Variants in ITGB2 observed in about 807,000 individuals in gnomAD.
ITGB2 encodes integrin subunit beta 2, also known as integrin beta-2.
In ITGB2, 56 loss-of-function variants were observed where a neutral mutation model predicts 86.8. The observed-to-expected ratio is 0.65, with a 90% CI of 0.52 to 0.81. The LOEUF (loss-of-function observed/expected upper bound fraction) is 0.81, where lower values mean the gene tolerates loss of function less well. ITGB2 is among the 30% of genes least tolerant of loss of function. The pLI is 0.00. For synonymous variants in ITGB2, 457 were observed against 450.4 expected (o/e 1.01, Z -0.19); for missense variants, 948 against 1,061.2 (o/e 0.89, Z 1.48).
At chr21:44,894,469 G>A (rs2083834616) in intron 9 of ITGB2, 1 of 213,764 alleles carries the variant, frequency 4.7e-6, no homozygotes, top group African/African-American at 2.3e-5. Context: ...GGGCTCCCCA[G>A]GGGAGCAGCC....
At chr21:44,919,506 T>C (rs1025111253) in intron 1 of ITGB2, among the ~76,000 whole-genome samples, 19 of 152,046 alleles carry the variant, frequency 1.2e-4, no homozygotes, top group African/African-American at 4.6e-4. Flanking sequence ...GAGCTGGGCT[T>C]CACTCATGGT....
intron 10 of ITGB2, among the ~76,000 whole-genome samples, 187 bp from the exon 11 acceptor site, chr21:44,892,183 C>T (rs1477495396): frequency 6.6e-6 from 1 of 152,214 alleles, no homozygotes; most frequent in Non-Finnish European, 1.5e-5. Context: ...AGGAGGTGCT[C>T]TGCCCGCACT....
At position 44,893,312 on chromosome 21, in the gene ITGB2, C is replaced by G. The variant is rs558695209; in HGVS notation, c.1224+92G>C. The G allele has an allele frequency of 4.0e-6, 6 of 1,506,314 alleles. No homozygotes were observed. The South Asian group carries it at 5.7e-5, about 14-fold the overall frequency. The allele number at this position is 1,506,314 out of a possible 1,614,324, so 93.3% of individuals were successfully genotyped here. A position where few individuals can be genotyped will look rare whatever the true frequency, so the allele number is the denominator to read the frequency against. On this transcript the variant is annotated intron_variant, in intron 10 of 15. Transcript: ENST00000652462. ...CTCCTTCTGGCTGTCCCCAGGACCC[C>G]TCAGTGTGCTGGGATGGGGACCCTG...
chr21:44,916,904 C>T (rs1002654366), intron 1 of ITGB2, among the ~76,000 whole-genome samples: 12 of 150,614 alleles, frequency 8.0e-5, no homozygotes, highest in African/African-American at 2.9e-4. Flanking sequence ...GGGAAAATAG[C>T]AAGAAGACAG....
intron 10 of ITGB2, among the ~76,000 whole-genome samples, 162 bp from the exon 11 acceptor site, chr21:44,892,158 CAA>C (rs1032518198): frequency 3.9e-5 from 6 of 152,216 alleles, no homozygotes; most frequent in African/African-American, 1.4e-4. Context: ...ATCCGAGAGC[CAA>C]AGTCAGCCGG....
At position 44,906,931 on chromosome 21, in the gene ITGB2, C is replaced by T. The variant is rs769522397; in HGVS notation, c.312G>A (p.Thr104=). 1.7e-5 allele frequency: 27 copies of T among 1,614,082 alleles called. No homozygotes were observed. The highest frequency in any genetic ancestry group is 1.6e-4 in the Middle Eastern group (1 of 6,082). The change falls in exon 4 of 16, where the codon ACG becomes ACA. Residue 104 remains threonine (T), a synonymous_variant. Transcript: ENST00000652462. The part of the protein sequence containing the change: ...GQKQLSPQKV[T]LYLRPGQAAA... The stretch of plus-strand genomic sequence containing the variant: ...CAAGCCTACCTGGTCGCAGGTAAAG[C>T]GTCACTTTTTGTGGGGACAGCTGCT...
At chr21:44,923,651 C>A (rs982816854), upstream of ITGB2, among the ~76,000 whole-genome samples, 16 of 152,054 alleles carry the variant, frequency 1.1e-4, no homozygotes, top group African/African-American at 3.6e-4. Context: ...GTTATTATTT[C>A]GCGGGTATAA....
chr21:44,890,248 C>T (rs2083767812), intron 11 of ITGB2, 26 bp from the exon 12 acceptor site: 3 of 1,612,288 alleles, frequency 1.9e-6, no homozygotes, highest in Non-Finnish European at 1.7e-6. Context: ...GCCCCAAGGT[C>T]AGGCTCCCCC....
chr21:44,903,271 G>A, intron 5 of ITGB2, 94 bp downstream of exon 5: 1 of 1,502,004 alleles, frequency 6.7e-7, no homozygotes, highest in South Asian at 1.1e-5. Flanking sequence ...ATCTACCCTG[G>A]GGACCTGAGT....
In ITGB2 at chr21:44,910,722, C is replaced by CACCGCACCCGAGGGAGAGCA; in HGVS notation, c.41_58+2dup. 4 of 1,613,954 alleles carry CACCGCACCCGAGGGAGAGCA rather than the reference C, an allele frequency of 2.5e-6. No homozygotes were observed. The East Asian group carries it at 8.9e-5, about 36-fold the overall frequency. On this transcript the variant is annotated splice_region_variant and intron_variant, in intron 2 of 15. Coordinates refer to ENST00000652462, the MANE Select transcript of ITGB2 (RefSeq NM_000211.5). ...AGTCCCCTCCGTGGAACACAGAACTCACCGCACCCGAGGGAGAGCAGCCCC... is the reference window on the plus strand; with the variant it reads ...AGTCCCCTCCGTGGAACACAGAACTCACCGCACCCGAGGGAGAGCAACCGCACCCGAGGGAGAGCAGCCCC...
At chr21:44,911,002 G>A in intron 1 of ITGB2, 1 of 589,448 alleles carries the variant, frequency 1.7e-6, no homozygotes, top group Non-Finnish European at 3.0e-6. Flanking sequence ...CAGCACACCT[G>A]CTCAGCCAGG....
chr21:44,919,020 G>GCTGAGCGTCCCCTCTCCCC (rs58007154), intron 1 of ITGB2, among the ~76,000 whole-genome samples: 4 of 149,722 alleles, frequency 2.7e-5, no homozygotes, highest in South Asian at 2.1e-4. Context: ...AGCACTCGGA[G>GCTGAGCGTCCCCTCTCCCC]GCACCTGCAG....
chr21:44,896,601 C>T lies in ITGB2; in HGVS notation c.994-1541G>A, dbSNP rs8134406. ...ACAGCCTGGCCACCACCCTCCTCTGCGCCCTCCGCCCACCGCCCACTTCCA... is the reference window on the plus strand; with the variant it reads ...ACAGCCTGGCCACCACCCTCCTCTGTGCCCTCCGCCCACCGCCCACTTCCA... On this transcript the variant is annotated intron_variant, in intron 8 of 15. Transcript: ENST00000652462. 3.0e-3 allele frequency among the ~76,000 whole-genome samples: 456 copies of T among 152,218 alleles called. 3 individuals carry two copies. Among genetic ancestry groups the T allele is most frequent in the Middle Eastern group, 0.027 (8 of 294 alleles).
rs1157274346 is a variant in ITGB2 at position 44,893,316 on chromosome 21, G to A, written c.1224+88C>T. The stretch of plus-strand genomic sequence containing the variant: ...TTCTGGCTGTCCCCAGGACCCCTCA[G>A]TGTGCTGGGATGGGGACCCTGGCTC... On this transcript the variant is annotated intron_variant, in intron 10 of 15. Coordinates refer to ENST00000652462, the MANE Select transcript of ITGB2 (RefSeq NM_000211.5). 3.3e-6 allele frequency: 5 copies of A among 1,532,588 alleles called. No individual in the cohort carries two copies. In the Admixed American group the frequency reaches 8.4e-5, roughly 26 times the overall value. The allele number at this position is 1,532,588 out of a possible 1,614,324, so 94.9% of individuals were successfully genotyped here.
intron 10 of ITGB2, chr21:44,892,967 G>A (rs889346563): frequency 9.4e-6 from 2 of 212,916 alleles, no homozygotes; most frequent in Admixed American, 5.2e-5. Context: ...TGCCCCCAGG[G>A]GGCGCAGCCA....
chr21:44,898,938 C>T (rs1601298934), intron 8 of ITGB2, 129 bp downstream of exon 8: 1 of 779,364 alleles, frequency 1.3e-6, no homozygotes, highest in South Asian at 1.5e-5. Flanking sequence ...GGATCCAGGA[C>T]CTGGGCCGGC....
In ITGB2 at chr21:44,907,044, G is replaced by A. The variant is rs1417117831; in HGVS notation, c.199C>T (p.Gln67Ter). 1.2e-6 allele frequency: 2 copies of A among 1,612,626 alleles called. No individual in the cohort carries two copies. The highest frequency in any genetic ancestry group is 1.7e-6 in the Non-Finnish European group (2 of 1,178,772). The change falls in exon 4 of 16, where the codon CAG (glutamine) becomes TAG (stop). Residue 67 changes from glutamine (Q) to a stop codon, truncating the protein, a stop_gained. Coordinates refer to ENST00000652462, the MANE Select transcript of ITGB2 (RefSeq NM_000211.5). LOFTEE classifies it high-confidence loss of function. ...PDSIRCDTRP[Q>*]LLMRGCAADD... ...GCCGCACAGCCCCTCATGAGCAGCT[G>A]TGGCCGGGTGTCGCAGCGAATGGAG...
rs2083765269 is a variant in ITGB2, at chr21:44,890,122, T to C, written c.1513A>G (p.Ile505Val). 6.2e-7 allele frequency: 1 copy of C among 1,613,442 alleles called. No individual in the cohort carries two copies. Among genetic ancestry groups the C allele is most frequent in the African/African-American group, 1.3e-5 (1 of 75,036 alleles). Reference sequence around the variant, plus strand: ...ACACAGTCCCCCAGCCCTGAGCAGATGATGGAGTTGTTGTCCTTCCGGCAG... The same window carrying C: ...ACACAGTCCCCCAGCCCTGAGCAGACGATGGAGTTGTTGTCCTTCCGGCAG... ...GSCRKDNNSI[I>V]CSGLGDCVCG... The change falls in exon 12 of 16, where the codon ATC becomes GTC. Residue 505 changes from isoleucine (I) to valine (V), a missense_variant. By Grantham distance (29) the Ile-to-Val change is conservative. Transcript: ENST00000652462.
At position 44,886,338 on chromosome 21, in the gene ITGB2, T is replaced by G; in HGVS notation, c.*30A>C. 2 of 1,603,384 alleles carry G rather than the reference T, an allele frequency of 1.2e-6. No homozygotes were observed. Among genetic ancestry groups the G allele is most frequent in the South Asian group, 1.1e-5 (1 of 90,876 alleles). ...CGCGTGATGGGGCAGACATGGTGGG[T>G]CCTGACGGCCTTGTCTTCACCAAGT... On this transcript the variant is annotated 3_prime_UTR_variant, in exon 16 of 16. Coordinates refer to ENST00000652462, the MANE Select transcript of ITGB2 (RefSeq NM_000211.5).
Sources: gnomAD v4.1 joint callset for allele counts (sites outside exome capture counted in the v4.1 genomes callset) on GRCh38, gnomAD v4.1.1 for gene constraint, MANE v1.5 for transcripts, NCBI Gene and HGNC (gene_info 2026-07-23, HGNC 2026-07-21) for gene names.